Variants in SLC24A2 observed in about 807,000 individuals in gnomAD.
SLC24A2 encodes solute carrier family 24 member 2.
Under a neutral mutation model 62.0 loss-of-function variants are expected in SLC24A2, and 36 were observed. That is an observed-to-expected ratio of 0.58 (90% confidence interval 0.44 to 0.77). The LOEUF is 0.77. SLC24A2 is among the 30% of genes least tolerant of loss of function. The pLI is 0.00. For synonymous variants in SLC24A2, 358 were observed against 294.0 expected, an observed-to-expected ratio of 1.22 and a Z score of -2.23; for missense variants, 846 against 817.9, an observed-to-expected ratio of 1.03 and a Z score of -0.42.
chr9:19,993,434 TAAATTTTTGTCTTTCCTA>T, the SLC24A2 span, among the ~76,000 whole-genome samples: 1 of 152,238 alleles, frequency 6.6e-6, no homozygotes, highest in African/African-American at 2.4e-5. Flanking sequence ...ATGGCTATTT[TAAATTTTTGTCTTTCCTA>T]AAATTTATTT....
the SLC24A2 span, among the ~76,000 whole-genome samples, chr9:20,044,967 G>A: frequency 1.3e-5 from 2 of 151,896 alleles, no homozygotes; most frequent in African/African-American, 4.8e-5. Context: ...ACAATACTGG[G>A]GACCATTTGA....
chr9:19,768,876 C>T (rs1475125485), intron 2 of SLC24A2, among the ~76,000 whole-genome samples: 1 of 152,168 alleles, frequency 6.6e-6, no homozygotes, highest in Non-Finnish European at 1.5e-5. Context: ...TTGCTGGTTT[C>T]TCCTTGTTTT....
At chr9:19,628,543 G>T (rs1486408512) in intron 2 of SLC24A2, among the ~76,000 whole-genome samples, 1 of 152,108 alleles carries the variant, frequency 6.6e-6, no homozygotes, top group East Asian at 1.9e-4. Flanking sequence ...TTACTTTGTT[G>T]TACCATTTCA....
chr9:19,831,549 A>T, the SLC24A2 span, among the ~76,000 whole-genome samples: 1 of 152,216 alleles, frequency 6.6e-6, no homozygotes, highest in Non-Finnish European at 1.5e-5. Flanking sequence ...ATCAGTTCAA[A>T]CAACTGTAGT....
At chr9:19,763,993 T>G (rs1160036341) in intron 2 of SLC24A2, among the ~76,000 whole-genome samples, 1 of 152,192 alleles carries the variant, frequency 6.6e-6, no homozygotes, top group Non-Finnish European at 1.5e-5. Flanking sequence ...TTTCAGAACT[T>G]GTTATTGGTC....
the SLC24A2 span, among the ~76,000 whole-genome samples, chr9:19,910,316 A>C: frequency 1.6e-3 from 246 of 152,198 alleles, 5 homozygotes; most frequent in East Asian, 0.046. Flanking sequence ...TTTTCAAAAT[A>C]ATTCCGCTTC....
chr9:19,875,709 G>A, the SLC24A2 span, among the ~76,000 whole-genome samples: 2 of 152,216 alleles, frequency 1.3e-5, no homozygotes, highest in Non-Finnish European at 2.9e-5. Context: ...GAACTACAGT[G>A]AGAAATATAG....
At chr9:20,220,721 G>C in the SLC24A2 span, among the ~76,000 whole-genome samples, 2 of 152,054 alleles carry the variant, frequency 1.3e-5, no homozygotes, top group Non-Finnish European at 2.9e-5. Context: ...ACGCTGTCAC[G>C]ATGGCCTTAC....
the SLC24A2 span, among the ~76,000 whole-genome samples, chr9:20,085,938 C>T: frequency 2.0e-5 from 3 of 152,156 alleles, no homozygotes; most frequent in Non-Finnish European, 4.4e-5. Flanking sequence ...CGAGCAAATG[C>T]ATGGAAAGTG....
the SLC24A2 span, among the ~76,000 whole-genome samples, chr9:20,231,493 G>A: frequency 2.0e-5 from 3 of 152,068 alleles, no homozygotes; most frequent in African/African-American, 7.3e-5. Flanking sequence ...TCTCTTTGAA[G>A]CAATTGTGAA....
chr9:19,616,471 C>T (rs1308939779), intron 4 of SLC24A2, among the ~76,000 whole-genome samples: 2 of 152,284 alleles, frequency 1.3e-5, no homozygotes, highest in African/African-American at 4.8e-5. Context: ...GGGAGTCTGT[C>T]GTTTTAATTG....
intron 7 of SLC24A2, among the ~76,000 whole-genome samples, chr9:19,557,795 G>C (rs1253880461): frequency 2.0e-5 from 3 of 150,578 alleles, no homozygotes; most frequent in Non-Finnish European, 4.4e-5. Context: ...ATTTCTAATG[G>C]TCTAAATGGC....
chr9:19,555,372 T>A (rs1318527703), intron 7 of SLC24A2, among the ~76,000 whole-genome samples: 2 of 152,168 alleles, frequency 1.3e-5, no homozygotes, highest in African/African-American at 2.4e-5. Flanking sequence ...TCGATAAGAT[T>A]CTTTCTGTGT....
intron 5 of SLC24A2, among the ~76,000 whole-genome samples, chr9:19,582,732 GT>G (rs557111993): frequency 8.4e-4 from 128 of 152,142 alleles, no homozygotes; most frequent in African/African-American, 2.9e-3. Context: ...ATAGACTTCA[GT>G]TAAGCCTTCA....
At chr9:20,074,590 GAA>G in the SLC24A2 span, among the ~76,000 whole-genome samples, 1 of 89,410 alleles carries the variant, frequency 1.1e-5, no homozygotes, top group Admixed American at 1.3e-4. Flanking sequence ...AGGAAGGAAG[GAA>G]GGAAGGAAGG....
chr9:19,539,510 C>T lies in SLC24A2; in HGVS notation c.1479+10627G>A, dbSNP rs1282649245. Among the ~76,000 whole-genome samples the T allele has an allele frequency of 1.0e-3, 151 of 144,516 alleles. 2 individuals are homozygous for T. Among genetic ancestry groups the T allele is most frequent in the African/African-American group, 3.1e-3 (121 of 38,960 alleles). The allele number at this position is 144,516 out of a possible 152,430, so 94.8% of individuals were successfully genotyped here. On this transcript the variant is annotated intron_variant, in intron 8 of 10. Transcript: ENST00000341998. ...GTTGTTCAGTTTCCATGTAGTTGAG[C>T]GGCTTTGAGTGAGATTCTTAATCCT...
chr9:19,920,164 T>C, the SLC24A2 span, among the ~76,000 whole-genome samples: 7 of 152,202 alleles, frequency 4.6e-5, no homozygotes, highest in African/African-American at 1.4e-4. Flanking sequence ...AGAAAATTTA[T>C]CAAATTGATT....
At chr9:19,774,592 G>A (rs1472061523) in intron 2 of SLC24A2, among the ~76,000 whole-genome samples, 1 of 152,186 alleles carries the variant, frequency 6.6e-6, no homozygotes. Flanking sequence ...AACAACAGAT[G>A]ACAGTTTATA....
chr9:19,525,619 A>G, intron 9 of SLC24A2, among the ~76,000 whole-genome samples: 1 of 151,016 alleles, frequency 6.6e-6, no homozygotes, highest in Non-Finnish European at 1.5e-5. Context: ...GCCCAGGCTG[A>G]TCTCGAACTC....
Sources: gnomAD v4.1 joint callset for allele counts (sites outside exome capture counted in the v4.1 genomes callset) on GRCh38, gnomAD v4.1.1 for gene constraint, MANE v1.5 for transcripts, NCBI Gene and HGNC (gene_info 2026-07-23, HGNC 2026-07-21) for gene names.